The following KMT2A variants were observed in gnomAD, a reference collection of about 807,000 sequenced individuals.
KMT2A encodes lysine methyltransferase 2A, also known as histone-lysine N-methyltransferase 2A.
A neutral mutation model predicts 345.3 loss-of-function variants in KMT2A; 16 were observed. The observed-to-expected ratio is 0.05, with a 90% CI of 0.03 to 0.07. The LOEUF (loss-of-function observed/expected upper bound fraction) is 0.07, where lower values mean the gene tolerates loss of function less well. KMT2A is among the 10% of genes least tolerant of loss of function. The pLI is 1.00. For synonymous variants in KMT2A, 1,599 were observed against 1,778.6 expected (o/e 0.90, Z 2.54); for missense variants, 3,272 against 4,841.6 (o/e 0.68, Z 9.62).
chr11:118,471,511 G>A (rs1949942045), intron 2 of KMT2A, 151 bp from the exon 3 acceptor site: 1 of 439,758 alleles, frequency 2.3e-6, no homozygotes, highest in African/African-American at 2.0e-5. Context: ...TGGGTGAAAA[G>A]AAACTAAGCA....
chr11:118,451,717 C>T (rs1467074097), intron 1 of KMT2A, among the ~76,000 whole-genome samples: 1 of 149,962 alleles, frequency 6.7e-6, no homozygotes, highest in African/African-American at 2.5e-5. Context: ...GTCTCGAACT[C>T]CCAGGCTCAA....
rs782026566 is a variant in KMT2A at position 118,473,215 on chromosome 11, A to G, written c.2056A>G (p.Thr686Ala). The G allele has an allele frequency of 1.1e-5, 18 of 1,613,052 alleles. No homozygotes were observed. The South Asian group carries it at 2.0e-4, about 18-fold the overall frequency. ...ATTGTTTTCGCCACTCCATTCTGGAACAAGGTTTGATATGCACAAAAGGAG... is the reference window on the plus strand; with the variant it reads ...ATTGTTTTCGCCACTCCATTCTGGAGCAAGGTTTGATATGCACAAAAGGAG... ...ARLFSPLHSGTRFDMHKRSPL... is the reference protein window; with the variant it reads ...ARLFSPLHSGARFDMHKRSPL... Residue 686 changes from threonine to alanine, a missense_variant, in exon 3 of 36, where the codon ACA becomes GCA. Around this residue, in one of 27 missense-constraint regions of KMT2A, gnomAD observed 114 missense variants for 203.2 expected, o/e 0.56. Coordinates refer to ENST00000534358, the MANE Select transcript of KMT2A (RefSeq NM_001197104.2). The surrounding 1 kb of genome is among the most constrained non-coding windows in gnomAD (Gnocchi z 5.2).
At position 118,503,706 on chromosome 11, in the gene KMT2A, A is replaced by T. The variant is rs367599045; in HGVS notation, c.7814A>T (p.Asp2605Val). 1.2e-6 allele frequency: 2 copies of T among 1,614,220 alleles called. No individual in the cohort carries two copies. The highest frequency in any genetic ancestry group is 2.2e-5 in the East Asian group (1 of 44,886). The change falls in exon 27 of 36, where the codon GAT (aspartate) becomes GTT (valine). Residue 2605 changes from aspartate to valine, a missense_variant. Coordinates refer to ENST00000534358, the MANE Select transcript of KMT2A (RefSeq NM_001197104.2). This position sits in a 1 kb window ranked among gnomAD's most constrained non-coding sequence, Gnocchi z 5.3. Reference sequence around the variant, plus strand: ...CAGGACAGAAACCTAATGCTTCCAGATGGCCCCAAACCTCAGGAGGATGGC... The same window carrying T: ...CAGGACAGAAACCTAATGCTTCCAGTTGGCCCCAAACCTCAGGAGGATGGC... ...PVQDRNLMLP[D>V]GPKPQEDGSF... is the part of the protein sequence containing the mutation.
At chr11:118,445,136 G>C (rs782271829) in intron 1 of KMT2A, among the ~76,000 whole-genome samples, 4 of 151,970 alleles carry the variant, frequency 2.6e-5, no homozygotes, top group Non-Finnish European at 5.9e-5. Context: ...ACACCTATTT[G>C]AGTGCTATAA....
chr11:118,441,896 G>A (rs1356483525), intron 1 of KMT2A, among the ~76,000 whole-genome samples: 1 of 152,104 alleles, frequency 6.6e-6, no homozygotes, highest in African/African-American at 2.4e-5. Flanking sequence ...TCATCTCTTT[G>A]CTCACCTTAG....
Position 118,507,620 on chromosome 11 carries a change from G to T in KMT2A, c.10835+11G>T, listed in dbSNP as rs368593143. The T allele has an allele frequency of 1.2e-6, 2 of 1,607,698 alleles. No homozygotes were observed. The highest frequency in any genetic ancestry group is 1.3e-5 in the African/African-American group (1 of 74,816). ...TGGGCAACCTGCAGGGTAAGCTGAA[G>T]AATTCGTCTTTTAAGACTAAGCTCT... On this transcript the variant is annotated intron_variant, in intron 28 of 35. Transcript: ENST00000534358.
In KMT2A at chr11:118,520,220, A is replaced by T; in HGVS notation, c.11429+156A>T. 1.6e-6 allele frequency: 1 copy of T among 612,088 alleles called. No homozygotes were observed. The highest frequency in any genetic ancestry group is 1.8e-5 in the African/African-American group (1 of 54,200). The allele number at this position is 612,088 out of a possible 1,614,324, so 37.9% of individuals were successfully genotyped here. Reference sequence around the variant, plus strand: ...GTTGAAGTAGCAGTAGGTGCCTGGTAAGGAGTGAGGAATATAAGGTACAGA... The same window carrying T: ...GTTGAAGTAGCAGTAGGTGCCTGGTTAGGAGTGAGGAATATAAGGTACAGA... On this transcript the variant is annotated intron_variant, in intron 33 of 35. Transcript: ENST00000534358. This position sits in a 1 kb window ranked among gnomAD's most constrained non-coding sequence, Gnocchi z 4.3.
At position 118,473,696 on chromosome 11, in the gene KMT2A, A is replaced by G. The variant is rs2134270027; in HGVS notation, c.2537A>G (p.Glu846Gly). ...TGGTTTACCCCAGGCTCTCAGACTGAAAGAGGGAGAAATAAAGACAAGGCC... is the reference window on the plus strand; with the variant it reads ...TGGTTTACCCCAGGCTCTCAGACTGGAAGAGGGAGAAATAAAGACAAGGCC... The part of the protein sequence containing the change: ...FPWFTPGSQT[E>G]RGRNKDKAPE... Residue 846 changes from glutamate (E) to glycine (G), a missense_variant, in exon 3 of 36, where the codon GAA becomes GGA. Physicochemically the swap from Glu to Gly is moderately conservative, Grantham distance 98 (BLOSUM62 -2). Around this residue, in one of 27 missense-constraint regions of KMT2A, gnomAD observed 209 missense variants for 237.4 expected, o/e 0.88. Coordinates refer to ENST00000534358, the MANE Select transcript of KMT2A (RefSeq NM_001197104.2). The surrounding 1 kb of genome is among the most constrained non-coding windows in gnomAD (Gnocchi z 5.2). The G allele has an allele frequency of 6.2e-7, 1 of 1,614,172 alleles. No homozygotes were observed. The highest frequency in any genetic ancestry group is 8.5e-7 in the Non-Finnish European group (1 of 1,180,032).
intron 1 of KMT2A, among the ~76,000 whole-genome samples, chr11:118,454,818 T>C (rs1555030213): frequency 6.6e-6 from 1 of 152,164 alleles, no homozygotes; most frequent in Non-Finnish European, 1.5e-5. Context: ...CAAAATATTC[T>C]TTTGACTTTA....
At chr11:118,500,755 G>A in intron 24 of KMT2A, 1 of 368,792 alleles carries the variant, frequency 2.7e-6, no homozygotes, top group Non-Finnish European at 4.9e-6. Flanking sequence ...CCTGCTTATG[G>A]TACAAGAAAA....
rs1486159420 is a variant in KMT2A at position 118,506,508 on chromosome 11, C to A, written c.10616C>A (p.Pro3539His). 2 of 1,614,060 alleles carry A rather than the reference C, an allele frequency of 1.2e-6. No individual in the cohort carries two copies. Among genetic ancestry groups the A allele is most frequent in the African/African-American group, 1.3e-5 (1 of 74,926 alleles). Residue 3539 changes from proline to histidine, a missense_variant, in exon 27 of 36, where the codon CCC (proline) becomes CAC (histidine). Coordinates refer to ENST00000534358, the MANE Select transcript of KMT2A (RefSeq NM_001197104.2). ...CCTTCAGTGCCGGGTCCCACTAAAC[C>A]CAAACCAAAAACCAAACGGTTTCAG... ...ASPSVPGPTKPKPKTKRFQLP... is the reference protein window; with the variant it reads ...ASPSVPGPTKHKPKTKRFQLP...
At chr11:118,461,351 G>A (rs1386803367) in intron 1 of KMT2A, among the ~76,000 whole-genome samples, 2 of 152,106 alleles carry the variant, frequency 1.3e-5, no homozygotes, top group Non-Finnish European at 2.9e-5. Context: ...AATTCTACAT[G>A]TTTATTATTT....
chr11:118,469,562 G>A (rs1555034988), intron 2 of KMT2A, among the ~76,000 whole-genome samples: 1 of 152,168 alleles, frequency 6.6e-6, no homozygotes. Flanking sequence ...TTTCCTAAGA[G>A]AAGACCCTCA....
chr11:118,478,701 T>G (rs1043457462), intron 5 of KMT2A, among the ~76,000 whole-genome samples: 7 of 152,332 alleles, frequency 4.6e-5, no homozygotes, highest in African/African-American at 1.7e-4. Context: ...ACATTGGAGA[T>G]ACCTTGCATA....
Position 118,476,016 on chromosome 11 carries a change from C to T in KMT2A, c.3157-789C>T, listed in dbSNP as rs919192070. ...CGCCTCCCAGGTTCAAGCAATTCTC[C>T]TGCCTCAGCCTCCCAAGTAGCTGGG... is the stretch of plus-strand genomic sequence containing the variant. On this transcript the variant is annotated intron_variant, in intron 3 of 35. Coordinates refer to ENST00000534358, the MANE Select transcript of KMT2A (RefSeq NM_001197104.2). This position sits in a 1 kb window ranked among gnomAD's most constrained non-coding sequence, Gnocchi z 4.1. Among the ~76,000 whole-genome samples the T allele has an allele frequency of 1.3e-5, 2 of 152,078 alleles. No homozygotes were observed. Among genetic ancestry groups the T allele is most frequent in the Non-Finnish European group, 2.9e-5 (2 of 68,012 alleles).
At chr11:118,469,085 C>T (rs1239543747) in intron 2 of KMT2A, among the ~76,000 whole-genome samples, 2 of 152,068 alleles carry the variant, frequency 1.3e-5, no homozygotes, top group Non-Finnish European at 2.9e-5. Flanking sequence ...TGGTGCGCTG[C>T]ACCCACTAAC....
At chr11:118,499,179 G>A in intron 22 of KMT2A, 124 bp from the exon 23 acceptor site, 1 of 708,298 alleles carries the variant, frequency 1.4e-6, no homozygotes, top group South Asian at 1.7e-5. Context: ...GAAGTGTCCT[G>A]CTAAGTGAAA....
rs199606724 is a variant in KMT2A, at chr11:118,502,549, G to A, written c.6657G>A (p.Gly2219=). ...GGATAATGTCTCCAATGAGAACTGG[G>A]AATACTTACTCTAGGAATAATGTTT... ...KLRIMSPMRT[G]NTYSRNNVSS... The change falls in exon 27 of 36, where the codon GGG becomes GGA. Residue 2219 remains glycine (G), a synonymous_variant. Transcript: ENST00000534358. The surrounding 1 kb of genome is among the most constrained non-coding windows in gnomAD (Gnocchi z 4.9). The A allele has an allele frequency of 6.8e-6, 11 of 1,613,962 alleles. No homozygotes were observed. The highest frequency in any genetic ancestry group is 9.3e-6 in the Non-Finnish European group (11 of 1,180,020).
chr11:118,519,346 A>G (rs1555052700), intron 31 of KMT2A: 2 of 364,332 alleles, frequency 5.5e-6, no homozygotes, highest in African/African-American at 2.0e-5. Flanking sequence ...TAGCATTAGC[A>G]TATAGCATTT....
Sources: gnomAD v4.1 joint callset for allele counts (sites outside exome capture counted in the v4.1 genomes callset) on GRCh38, gnomAD v4.1.1 for gene constraint, gnomAD v4.1.1 regional missense constraint, Gnocchi (gnomAD v3.1) non-coding constraint, MANE v1.5 for transcripts, NCBI Gene and HGNC (gene_info 2026-07-23, HGNC 2026-07-21) for gene names.